The following SPATA6 variants were observed in gnomAD, a reference collection of about 807,000 sequenced individuals.
The protein encoded by SPATA6 is spermatogenesis associated 6, also known as spermatogenesis-associated protein 6.
SPATA6 carries 56 observed loss-of-function variants against 65.3 expected under a neutral mutation model. The observed-to-expected ratio is 0.86, with a 90% CI of 0.69 to 1.07. The LOEUF (loss-of-function observed/expected upper bound fraction) is 1.07, where lower values mean the gene tolerates loss of function less well. Ranked by LOEUF, SPATA6 falls within the 50% of genes least tolerant of loss-of-function variation. The pLI is 0.00. For missense variants in SPATA6, 590 were observed against 594.8 expected (o/e 0.99, Z 0.08); for synonymous variants, 199 against 213.2 (o/e 0.93, Z 0.58).
chr1:48,279,776 G>C, the SPATA6 span, among the ~76,000 whole-genome samples: 3 of 152,078 alleles, frequency 2.0e-5, no homozygotes, highest in Non-Finnish European at 4.4e-5. Context: ...AGATCAACGA[G>C]ACAGAAAGTT....
chr1:48,355,709 A>AT lies in SPATA6; in HGVS notation c.1154dup (p.Asn385LysfsTer15). ...GATGAGCCTGATGTGATTTCAAGAC[A>AT]TTTTTTACCCGGTCATGGATCTCAT... On this transcript the variant is annotated frameshift_variant, in exon 11 of 13. Coordinates refer to ENST00000371847, the MANE Select transcript of SPATA6 (RefSeq NM_019073.4). LOFTEE classifies it high-confidence loss of function. 1.2e-6 allele frequency: 2 copies of AT among 1,613,288 alleles called. No individual in the cohort carries two copies. Among genetic ancestry groups the AT allele is most frequent in the South Asian group, 1.1e-5 (1 of 91,028 alleles).
At chr1:48,266,954 A>G in the SPATA6 span, among the ~76,000 whole-genome samples, 1 of 152,306 alleles carries the variant, frequency 6.6e-6, no homozygotes, top group South Asian at 2.1e-4. Flanking sequence ...TGTCCTTGTT[A>G]AGTGATAGAT....
chr1:48,321,310 C>G (rs1002940093), intron 11 of SPATA6, among the ~76,000 whole-genome samples: 1 of 152,034 alleles, frequency 6.6e-6, no homozygotes, highest in African/African-American at 2.4e-5. Context: ...AGGACACACA[C>G]AGACTGAAAA....
intron 9 of SPATA6, among the ~76,000 whole-genome samples, chr1:48,374,277 T>C (rs1167783756): frequency 6.7e-6 from 1 of 150,328 alleles, no homozygotes; most frequent in African/African-American, 2.5e-5. Flanking sequence ...ATTCCAAACC[T>C]ATACATCAGT....
chr1:48,367,328 T>C (rs1399770733), intron 9 of SPATA6, among the ~76,000 whole-genome samples: 2 of 152,186 alleles, frequency 1.3e-5, no homozygotes, highest in African/African-American at 2.4e-5. Flanking sequence ...GGTGCAGAGC[T>C]GAGTTCAATT....
intron 11 of SPATA6, among the ~76,000 whole-genome samples, chr1:48,346,704 A>G (rs1357834871): frequency 2.0e-5 from 3 of 151,926 alleles, no homozygotes; most frequent in Non-Finnish European, 4.4e-5. Flanking sequence ...CAGGAATATA[A>G]TACCCTTCAC....
At chr1:48,418,146 T>A (rs1330695967) in intron 3 of SPATA6, among the ~76,000 whole-genome samples, 1 of 152,234 alleles carries the variant, frequency 6.6e-6, no homozygotes, top group Non-Finnish European at 1.5e-5. Flanking sequence ...TTAGTTATTA[T>A]CATAGATCAC....
intron 10 of SPATA6, among the ~76,000 whole-genome samples, chr1:48,356,565 G>A (rs998278093): frequency 7.0e-6 from 1 of 143,616 alleles, no homozygotes; most frequent in Admixed American, 7.2e-5. Context: ...CCATGCTGGA[G>A]TGCAATGGCG....
intron 11 of SPATA6, among the ~76,000 whole-genome samples, chr1:48,307,357 T>TAA (rs976990717): frequency 1.4e-5 from 2 of 147,902 alleles, no homozygotes; most frequent in South Asian, 2.1e-4. Flanking sequence ...TATATATATA[T>TAA]AATTATATAT....
chr1:48,412,299 A>C (rs1180533679), intron 4 of SPATA6, among the ~76,000 whole-genome samples: 4 of 152,314 alleles, frequency 2.6e-5, no homozygotes, highest in African/African-American at 9.6e-5. Flanking sequence ...TTACTACATA[A>C]GTAAGGTTTT....
At chr1:48,280,396 T>C in the SPATA6 span, among the ~76,000 whole-genome samples, 8 of 152,180 alleles carry the variant, frequency 5.3e-5, no homozygotes, top group Admixed American at 5.2e-4. Context: ...ATACAGGAGC[T>C]GTTTTTTTGA....
intron 3 of SPATA6, among the ~76,000 whole-genome samples, chr1:48,435,224 T>A (rs185934402): frequency 6.6e-6 from 1 of 152,292 alleles, no homozygotes; most frequent in Admixed American, 6.5e-5. Context: ...CCAGCTGGAC[T>A]CCCTGGGTCA....
intron 12 of SPATA6, 93 bp from the exon 13 acceptor site, chr1:48,298,986 C>CCTG: frequency 8.3e-7 from 1 of 1,206,786 alleles, no homozygotes; most frequent in East Asian, 2.5e-5. Flanking sequence ...TACTCTATGG[C>CCTG]TATTTAATTC....
At chr1:48,406,085 C>T (rs1479931995) in intron 5 of SPATA6, among the ~76,000 whole-genome samples, 1 of 151,996 alleles carries the variant, frequency 6.6e-6, no homozygotes, top group African/African-American at 2.4e-5. Context: ...ATCTGCCTCA[C>T]ACATGCCCAA....
intron 4 of SPATA6, 84 bp downstream of exon 4, chr1:48,413,026 A>T: frequency 2.5e-6 from 1 of 405,864 alleles, no homozygotes; most frequent in Non-Finnish European, 3.8e-6. Context: ...ATCAAATAAT[A>T]TAGTATAATC....
In SPATA6 at chr1:48,344,713, G is replaced by A. The variant is rs571996498; in HGVS notation, c.1194+10957C>T. The stretch of plus-strand genomic sequence containing the variant: ...ACAAAGCAAATGGAAAACAGAAATC[G>A]GGATTGCGATTCTAGTTTCTAACAA... On this transcript the variant is annotated intron_variant, in intron 11 of 12. Coordinates refer to ENST00000371847, the MANE Select transcript of SPATA6 (RefSeq NM_019073.4). Among the ~76,000 whole-genome samples, 18 of 152,076 alleles carry A rather than the reference G, an allele frequency of 1.2e-4. No individual in the cohort carries two copies. The East Asian group carries it at 1.4e-3, about 11-fold the overall frequency.
the SPATA6 span, among the ~76,000 whole-genome samples, chr1:48,273,882 G>T: frequency 1.7e-3 from 263 of 152,282 alleles, 1 homozygote; most frequent in Non-Finnish European, 2.6e-3. Context: ...TGGGTCAAAT[G>T]GTATTGCTGG....
At chr1:48,413,526 T>C (rs1652473993) in intron 3 of SPATA6, among the ~76,000 whole-genome samples, 1 of 149,658 alleles carries the variant, frequency 6.7e-6, no homozygotes, top group Non-Finnish European at 1.5e-5. Context: ...ATGGTCTCGA[T>C]CTCCTGACCT....
intron 1 of SPATA6, 89 bp from the exon 2 acceptor site, chr1:48,453,220 A>G (rs1324880519): frequency 2.2e-6 from 3 of 1,351,004 alleles, no homozygotes; most frequent in Non-Finnish European, 3.0e-6. Flanking sequence ...TTACATAAAA[A>G]CATTAGTCTG....
Sources: gnomAD v4.1 joint callset for allele counts (sites outside exome capture counted in the v4.1 genomes callset) on GRCh38, gnomAD v4.1.1 for gene constraint, MANE v1.5 for transcripts, NCBI Gene and HGNC (gene_info 2026-07-23, HGNC 2026-07-21) for gene names.